The following KIF24 variants were observed in gnomAD, a reference collection of about 807,000 sequenced individuals.
KIF24 encodes the protein kinesin-like protein KIF24.
A neutral mutation model predicts 118.9 loss-of-function variants in KIF24; 81 were observed. The ratio of observed to expected loss-of-function variants is 0.68; its 90% CI spans 0.57 to 0.82. The LOEUF (loss-of-function observed/expected upper bound fraction) is 0.82, where lower values mean the gene tolerates loss of function less well. Among genes scored for constraint, KIF24 ranks in the 40% least tolerant of loss-of-function variants. KIF24 has a pLI of 0.00. For missense variants in KIF24, 1,560 were observed against 1,661.6 expected, an observed-to-expected ratio of 0.94 and a Z score of 1.06; for synonymous variants, 599 against 610.0, an observed-to-expected ratio of 0.98 and a Z score of 0.27.
intron 1 of KIF24, among the ~76,000 whole-genome samples, chr9:34,327,303 A>G (rs1039608955): frequency 6.6e-6 from 1 of 152,114 alleles, no homozygotes; most frequent in Non-Finnish European, 1.5e-5. Flanking sequence ...AGAATACTAG[A>G]TCTGGAAGGG....
At position 34,256,708 on chromosome 9, in the gene KIF24, T is replaced by TTTGGGAGGCATCCTTTC. The variant is rs993872423; in HGVS notation, c.2882_2898dup (p.Ser967GlufsTer48). 1 of 1,613,974 alleles carries TTTGGGAGGCATCCTTTC rather than the reference T, an allele frequency of 6.2e-7. No individual in the cohort carries two copies. The highest frequency in any genetic ancestry group is 8.5e-7 in the Non-Finnish European group (1 of 1,179,884). Reference sequence around the variant, plus strand: ...CCCTCATTCTCCCCAGAAACCTCACTTTGGGAGGCATCCTTTCTGAGATCA... The same window carrying TTTGGGAGGCATCCTTTC: ...CCCTCATTCTCCCCAGAAACCTCACTTTGGGAGGCATCCTTTCTTGGGAGGCATCCTTTCTGAGATCA... On this transcript the variant is annotated frameshift_variant, in exon 11 of 13. Coordinates refer to ENST00000402558, the MANE Select transcript of KIF24 (RefSeq NM_194313.4). LOFTEE classifies it high-confidence loss of function.
Position 34,311,042 on chromosome 9 carries a change from G to A in KIF24, c.305C>T (p.Ser102Phe), listed in dbSNP as rs368653412. ...SGPRRQLNFD[S>F]PADNKDRNAS... ...ATTTCTGTCTTTATTGTCAGCAGGA[G>A]AATCAAAATTCAGCTGTCTGCGAGG... Residue 102 changes from serine to phenylalanine, a missense_variant, in exon 2 of 13, where the codon TCT becomes TTT. Physicochemically the swap from Ser to Phe is radical, Grantham distance 155 (BLOSUM62 -2). Transcript: ENST00000402558. 17 of 1,613,752 alleles carry A rather than the reference G, an allele frequency of 1.1e-5. No homozygotes were observed. Among genetic ancestry groups the A allele is most frequent in the Admixed American group, 1.7e-5 (1 of 59,994 alleles).
chr9:34,310,147 T>G (rs1263703615), intron 2 of KIF24, among the ~76,000 whole-genome samples: 1 of 152,178 alleles, frequency 6.6e-6, no homozygotes, highest in African/African-American at 2.4e-5. Context: ...ACCAACAATG[T>G]CTTACTGTTT....
In KIF24 at chr9:34,295,181, T is replaced by TTGGA. The variant is rs1428090963; in HGVS notation, c.911+1832_911+1835dup. Among the ~76,000 whole-genome samples the TTGGA allele has an allele frequency of 1.3e-4, 17 of 133,002 alleles. 1 individual carries two copies. In the South Asian group the frequency reaches 3.5e-3, roughly 28 times the overall value. The allele number at this position is 133,002 out of a possible 152,430, so 87.3% of individuals were successfully genotyped here. On this transcript the variant is annotated intron_variant, in intron 4 of 12. Transcript: ENST00000402558. Reference sequence around the variant, plus strand: ...GTAGGTAGATAGCTAGGTAGGTGGATTGGATGGATGGATAGACAGACAGAC... The same window carrying TTGGA: ...GTAGGTAGATAGCTAGGTAGGTGGATTGGATGGATGGATGGATAGACAGACAGAC...
rs1470029949 is a variant in KIF24, at chr9:34,252,956, AAG to A, written c.*1422_*1423del. The A allele has an allele frequency of 3.3e-5, 5 of 152,236 alleles. No individual in the cohort carries two copies. In the East Asian group the frequency reaches 9.7e-4, roughly 29 times the overall value. The allele number at this position is 152,236 out of a possible 1,614,324, so 9.4% of individuals were successfully genotyped here. A position where few individuals can be genotyped will look rare whatever the true frequency, so the allele number is the denominator to read the frequency against. ...ATAGAATAGGGTTCATTCCTAAAGT[AAG>A]TAAGTTTTTGTCCTTGACCTTAATA... is the stretch of plus-strand genomic sequence containing the variant. On this transcript the variant is annotated 3_prime_UTR_variant, in exon 13 of 13. Transcript: ENST00000402558.
intron 3 of KIF24, among the ~76,000 whole-genome samples, chr9:34,299,521 C>T (rs181673633): frequency 9.9e-5 from 15 of 151,294 alleles, no homozygotes; most frequent in Non-Finnish European, 1.9e-4. Context: ...GCATTCTAGC[C>T]TGGGCCACAG....
rs140111978 is a variant in KIF24 at position 34,256,011 on chromosome 9, A to G, written c.3596T>C (p.Val1199Ala). The G allele has an allele frequency of 1.0e-4, 165 of 1,613,512 alleles. 5 individuals are homozygous for G. In the East Asian group the frequency reaches 1.2e-3, roughly 12 times the overall value. The change falls in exon 11 of 13, where the codon GTA becomes GCA. Residue 1199 changes from valine to alanine, a missense_variant. By Grantham distance (64) the Val-to-Ala change is moderately conservative. Transcript: ENST00000402558. ...GGTGAGTGTAGGTCCAGAATGGGGT[A>G]CCCCCATATGTATGGTGGTGAAGGG... The part of the protein sequence containing the change: ...GKPFTTIHMG[V>A]PHSGPTLTPR...
At chr9:34,272,284 T>G (rs1301894143) in intron 6 of KIF24, among the ~76,000 whole-genome samples, 1 of 152,192 alleles carries the variant, frequency 6.6e-6, no homozygotes, top group African/African-American at 2.4e-5. Flanking sequence ...TCTATCTTAG[T>G]AACCAAGGCA....
intron 10 of KIF24, among the ~76,000 whole-genome samples, 195 bp downstream of exon 10, chr9:34,259,401 T>C (rs1184600987): frequency 1.3e-5 from 2 of 152,246 alleles, no homozygotes; most frequent in East Asian, 3.8e-4. Context: ...GCCTACCAGG[T>C]CACAGTCTTC....
chr9:34,319,043 T>G, intron 1 of KIF24: 1 of 1,267,652 alleles, frequency 7.9e-7, no homozygotes, highest in Non-Finnish European at 1.2e-6. Flanking sequence ...GAATGAGAAA[T>G]TCCACCACAA....
intron 1 of KIF24, among the ~76,000 whole-genome samples, chr9:34,316,129 A>C (rs1410289058): frequency 6.6e-6 from 1 of 151,898 alleles, no homozygotes; most frequent in Non-Finnish European, 1.5e-5. Flanking sequence ...AGGTGGGTGG[A>C]TCACGAGGTC....
At chr9:34,298,300 C>G (rs924742447) in intron 3 of KIF24, among the ~76,000 whole-genome samples, 3 of 152,144 alleles carry the variant, frequency 2.0e-5, no homozygotes, top group African/African-American at 7.2e-5. Context: ...AATCTCAGCA[C>G]TTTGGGAGGC....
intron 3 of KIF24, 130 bp downstream of exon 3, chr9:34,306,122 C>T: frequency 3.0e-6 from 2 of 666,770 alleles, no homozygotes; most frequent in East Asian, 5.0e-5. Flanking sequence ...GAATGAATGT[C>T]AACACCCGAA....
At chr9:34,330,468 T>G (rs1336687539), upstream of KIF24, among the ~76,000 whole-genome samples, 1 of 152,220 alleles carries the variant, frequency 6.6e-6, no homozygotes, top group Non-Finnish European at 1.5e-5. Flanking sequence ...AACGCTATTA[T>G]AGAGTTAAGG....
chr9:34,311,523 TATTG>T (rs1166435389), intron 1 of KIF24, among the ~76,000 whole-genome samples, 152 bp from the exon 2 acceptor site: 2 of 151,996 alleles, frequency 1.3e-5, no homozygotes, highest in Non-Finnish European at 2.9e-5. Context: ...CTTCTGAAAT[TATTG>T]ATTAAATAGC....
intron 3 of KIF24, among the ~76,000 whole-genome samples, chr9:34,305,938 C>T (rs1836897719): frequency 6.6e-6 from 1 of 152,128 alleles, no homozygotes; most frequent in Admixed American, 6.6e-5. Context: ...TTTATTCCTT[C>T]ATTCCTCCTT....
Position 34,256,572 on chromosome 9 carries a change from C to T in KIF24, c.3035G>A (p.Ser1012Asn), listed in dbSNP as rs190884053. The change falls in exon 11 of 13, where the codon AGT (serine) becomes AAT (asparagine). Residue 1012 changes from serine to asparagine, a missense_variant. Coordinates refer to ENST00000402558, the MANE Select transcript of KIF24 (RefSeq NM_194313.4). The stretch of plus-strand genomic sequence containing the variant: ...GGTCACCTGGATTGGGCCGTCTGCA[C>T]TGACTTCTCTCAGAGGTGTGGTGAC... ...DTVTTPLREV[S>N]ADGPIQVTST... is the part of the protein sequence containing the mutation. 1 of 1,614,022 alleles carries T rather than the reference C, an allele frequency of 6.2e-7. No homozygotes were observed. The highest frequency in any genetic ancestry group is 2.2e-5 in the East Asian group (1 of 44,880).
chr9:34,265,821 A>C (rs1410418599), intron 8 of KIF24, among the ~76,000 whole-genome samples: 3 of 152,110 alleles, frequency 2.0e-5, no homozygotes, highest in Non-Finnish European at 4.4e-5. Context: ...CATTTAAATA[A>C]ATTAAATAAA....
At chr9:34,255,362 A>G (rs138166811) in intron 11 of KIF24, among the ~76,000 whole-genome samples, 197 bp from the exon 12 acceptor site, 1 of 152,096 alleles carries the variant, frequency 6.6e-6, no homozygotes, top group African/African-American at 2.4e-5. Flanking sequence ...ACGGAGTACC[A>G]ACGAGATACA....
Sources: allele counts gnomAD v4.1 joint callset (sites outside exome capture counted in the v4.1 genomes callset), GRCh38; gene constraint gnomAD v4.1.1; transcripts MANE v1.5; gene names NCBI Gene and HGNC (gene_info 2026-07-23, HGNC 2026-07-21).